Variants in GRHL1 observed in about 807,000 individuals in gnomAD.
The protein encoded by GRHL1 is grainyhead like transcription factor 1, also known as grainyhead-like protein 1 homolog.
In GRHL1, 38 loss-of-function variants were observed where a neutral mutation model predicts 75.7. The ratio of observed to expected loss-of-function variants is 0.50; its 90% CI spans 0.39 to 0.66. The LOEUF is 0.66. Among genes scored for constraint, GRHL1 ranks in the 30% least tolerant of loss-of-function variants. GRHL1 has a pLI of 0.00. For missense variants in GRHL1, 589 were observed against 767.5 expected, an observed-to-expected ratio of 0.77 and a Z score of 2.75; for synonymous variants, 266 against 279.4, an observed-to-expected ratio of 0.95 and a Z score of 0.48.
At position 9,983,431 on chromosome 2, in the gene GRHL1, C is replaced by T. The variant is rs527846885; in HGVS notation, c.1111-2693C>T. Among the ~76,000 whole-genome samples the T allele has an allele frequency of 2.6e-5, 4 of 152,252 alleles. No individual in the cohort carries two copies. The East Asian group carries it at 7.7e-4, about 29-fold the overall frequency. The stretch of plus-strand genomic sequence containing the variant: ...AGAAATGTATATCAGTAAGAGACTG[C>T]AAATCATCATGAATGCACACCAGCA... On this transcript the variant is annotated intron_variant, in intron 8 of 15. Coordinates refer to ENST00000324907, the MANE Select transcript of GRHL1 (RefSeq NM_198182.3).
Position 9,951,953 on chromosome 2 carries a change from G to T in GRHL1, c.20+100G>T. The stretch of plus-strand genomic sequence containing the variant: ...GCGCAGACCCGAGGCCGCGCGGGCG[G>T]GCGGGCGCGGGGCGCGAGCCGGGGG... On this transcript the variant is annotated intron_variant, in intron 1 of 15. Coordinates refer to ENST00000324907, the MANE Select transcript of GRHL1 (RefSeq NM_198182.3). The surrounding 1 kb of genome is among the most constrained non-coding windows in gnomAD (Gnocchi z 4.2). 1 of 698,706 alleles carries T rather than the reference G, an allele frequency of 1.4e-6. No homozygotes were observed. The highest frequency in any genetic ancestry group is 6.1e-5 in the South Asian group (1 of 16,370). The allele number at this position is 698,706 out of a possible 1,614,324, so 43.3% of individuals were successfully genotyped here.
Position 9,964,015 on chromosome 2 carries a change from A to T in GRHL1, c.876A>T (p.Gly292=). 6.2e-7 allele frequency: 1 copy of T among 1,613,810 alleles called. No homozygotes were observed. The highest frequency in any genetic ancestry group is 1.7e-5 in the Admixed American group (1 of 59,992). The change falls in exon 6 of 16, where the codon GGA becomes GGT. Residue 292 remains glycine (G), a synonymous_variant. Coordinates refer to ENST00000324907, the MANE Select transcript of GRHL1 (RefSeq NM_198182.3). ...TGAAGGAGGTGAGCAGCAGTGAAGG[A>T]ATCCATCATCCCATCAGCAAAGTTC... ...ITLKEVSSSE[G]IHHPISKVRS... is the part of the protein sequence containing the mutation.
chr2:9,961,022 G>A (rs1667246176), intron 3 of GRHL1, 24 bp from the exon 4 acceptor site: 1 of 1,514,514 alleles, frequency 6.6e-7, no homozygotes, highest in Non-Finnish European at 8.9e-7. Context: ...CATCGCGTTT[G>A]AAAGCAGTTT....
Position 9,962,481 on chromosome 2 carries a change from G to A in GRHL1, c.696G>A (p.Leu232=), listed in dbSNP as rs1436296582. ...TTTTCTTCCCCTCGGATCTCAGTCT[G>A]CGGATGCCTGGCATGAATTCAGAGG... is the stretch of plus-strand genomic sequence containing the variant. ...QEVFFPSDLS[L]RMPGMNSEDY... The change falls in exon 5 of 16, where the codon CTG becomes CTA. Residue 232 remains leucine (L), a synonymous_variant. Coordinates refer to ENST00000324907, the MANE Select transcript of GRHL1 (RefSeq NM_198182.3). The A allele has an allele frequency of 6.2e-7, 1 of 1,603,306 alleles. No homozygotes were observed. Among genetic ancestry groups the A allele is most frequent in the African/African-American group, 1.3e-5 (1 of 74,714 alleles).
Position 9,964,041 on chromosome 2 carries a change from G to A in GRHL1, c.902G>A (p.Arg301Gln), listed in dbSNP as rs1418448936. Residue 301 changes from arginine (R) to glutamine (Q), a missense_variant and splice_region_variant, in exon 6 of 16, where the codon CGA becomes CAA. Arg to Gln is a conservative substitution (Grantham distance 43). This residue lies in a region of GRHL1 where 362 missense variants were observed against 461.8 expected (regional missense o/e 0.78). Coordinates refer to ENST00000324907, the MANE Select transcript of GRHL1 (RefSeq NM_198182.3). ...ATCCATCATCCCATCAGCAAAGTTC[G>A]AGTAAGTTCTGCTCTTAGTCCTGTT... ...EGIHHPISKV[R>Q]SVIMVVFAED... is the part of the protein sequence containing the mutation. 3.7e-6 allele frequency: 6 copies of A among 1,612,922 alleles called. No individual in the cohort carries two copies. In the Admixed American group the frequency reaches 8.3e-5, roughly 22 times the overall value.
intron 7 of GRHL1, 140 bp from the exon 8 acceptor site, chr2:9,965,147 T>A (rs182814280): frequency 1.8e-6 from 1 of 547,456 alleles, no homozygotes; most frequent in East Asian, 2.7e-5. Flanking sequence ...ATTTTGAACT[T>A]CTTCTAATCG....
intron 10 of GRHL1, among the ~76,000 whole-genome samples, chr2:9,991,465 T>A (rs1367281326): frequency 6.6e-6 from 1 of 152,204 alleles, no homozygotes; most frequent in East Asian, 1.9e-4. Flanking sequence ...GCTGACTAAC[T>A]AGGAGACCTC....
At position 10,001,215 on chromosome 2, in the gene GRHL1, CCT is replaced by C. The variant is rs1204826732; in HGVS notation, c.*512_*513del. 6.5e-6 allele frequency: 1 copy of C among 152,736 alleles called. No individual in the cohort carries two copies. The highest frequency in any genetic ancestry group is 1.9e-4 in the East Asian group (1 of 5,182). The allele number at this position is 152,736 out of a possible 1,614,324, so 9.5% of individuals were successfully genotyped here. A position where few individuals can be genotyped will look rare whatever the true frequency, so the allele number is the denominator to read the frequency against. ...ACGGGGGGAGCCCTCTCTCCCTTAC[CCT>C]CTCACTCTCCACCAGATGTTTACTA... is the stretch of plus-strand genomic sequence containing the variant. On this transcript the variant is annotated 3_prime_UTR_variant, in exon 16 of 16. Transcript: ENST00000324907.
At chr2:9,996,748 A>G (rs773450871) in intron 14 of GRHL1, among the ~76,000 whole-genome samples, 2 of 152,228 alleles carry the variant, frequency 1.3e-5, no homozygotes. Context: ...TTCATACATA[A>G]AAACAGTGGC....
At chr2:9,993,136 T>C (rs1668716308) in intron 11 of GRHL1, 71 bp from the exon 12 acceptor site, 11 of 1,081,254 alleles carry the variant, frequency 1.0e-5, no homozygotes, top group Non-Finnish European at 1.6e-5. Flanking sequence ...ATTTCCATTT[T>C]AGGAATAATT....
chr2:9,991,724 C>T (rs1218694996), intron 10 of GRHL1, among the ~76,000 whole-genome samples: 1 of 152,252 alleles, frequency 6.6e-6, no homozygotes, highest in East Asian at 1.9e-4. Flanking sequence ...TAAATACGCT[C>T]TGCCTCTGTC....
Position 9,951,950 on chromosome 2 carries a change from G to T in GRHL1, c.20+97G>T, listed in dbSNP as rs867830652. ...CGGGCGCAGACCCGAGGCCGCGCGG[G>T]CGGGCGGGCGCGGGGCGCGAGCCGG... On this transcript the variant is annotated intron_variant, in intron 1 of 15. Coordinates refer to ENST00000324907, the MANE Select transcript of GRHL1 (RefSeq NM_198182.3). This position sits in a 1 kb window ranked among gnomAD's most constrained non-coding sequence, Gnocchi z 4.2. 1.8e-4 allele frequency: 124 copies of T among 697,970 alleles called. No homozygotes were observed. Among genetic ancestry groups the T allele is most frequent in the Admixed American group, 1.8e-4 (3 of 16,678 alleles). The allele number at this position is 697,970 out of a possible 1,614,324, so 43.2% of individuals were successfully genotyped here. A position where few individuals can be genotyped will look rare whatever the true frequency, so the allele number is the denominator to read the frequency against.
chr2:9,966,882 A>T (rs1260399588), intron 8 of GRHL1, among the ~76,000 whole-genome samples: 1 of 152,178 alleles, frequency 6.6e-6, no homozygotes, highest in African/African-American at 2.4e-5. Context: ...AGTCACATAC[A>T]ATTGTCAGGT....
chr2:9,958,229 G>A (rs1667119103), intron 2 of GRHL1, among the ~76,000 whole-genome samples: 1 of 149,768 alleles, frequency 6.7e-6, no homozygotes, highest in African/African-American at 2.5e-5. Flanking sequence ...CCAGGCCAGA[G>A]TGCAGTGGCG....
chr2:9,993,259 T>G lies in GRHL1; in HGVS notation c.1499+15T>G, dbSNP rs780759890. The G allele has an allele frequency of 5.0e-6, 8 of 1,591,554 alleles. No individual in the cohort carries two copies. Among genetic ancestry groups the G allele is most frequent in the Non-Finnish European group, 6.9e-6 (8 of 1,159,566 alleles). ...GAGGGTGAAGGGTAAGATTTATGTTTTGTTTTGTTTTGTTTTAATAATGGA... is the reference window on the plus strand; with the variant it reads ...GAGGGTGAAGGGTAAGATTTATGTTGTGTTTTGTTTTGTTTTAATAATGGA... On this transcript the variant is annotated intron_variant, in intron 12 of 15. Transcript: ENST00000324907.
intron 8 of GRHL1, among the ~76,000 whole-genome samples, chr2:9,974,215 C>T (rs891448604): frequency 2.0e-5 from 3 of 152,172 alleles, no homozygotes; most frequent in Non-Finnish European, 4.4e-5. Flanking sequence ...ATCTTCAAAG[C>T]CTGAGGCTCA....
At chr2:9,989,553 T>G (rs973095866) in intron 9 of GRHL1, among the ~76,000 whole-genome samples, 3 of 152,024 alleles carry the variant, frequency 2.0e-5, no homozygotes, top group Admixed American at 1.3e-4. Context: ...GAGTACACTT[T>G]TTCTCTTTTT....
At position 9,992,086 on chromosome 2, in the gene GRHL1, T is replaced by C. The variant is rs1572386356; in HGVS notation, c.1401T>C (p.Asp467=). Residue 467 remains aspartate, a synonymous_variant, in exon 11 of 16, where the codon GAT becomes GAC. Coordinates refer to ENST00000324907, the MANE Select transcript of GRHL1 (RefSeq NM_198182.3). This position sits in a 1 kb window ranked among gnomAD's most constrained non-coding sequence, Gnocchi z 4.6. ...TTTTCAAACCCTTCATTGATCTCGA[T>C]ACTCAGCCTGTCCTCTTCATTCCTG... is the stretch of plus-strand genomic sequence containing the variant. The part of the protein sequence containing the change: ...ITVFKPFIDL[D]TQPVLFIPDV... 1.2e-6 allele frequency: 2 copies of C among 1,614,028 alleles called. No homozygotes were observed. Among genetic ancestry groups the C allele is most frequent in the Non-Finnish European group, 1.7e-6 (2 of 1,179,924 alleles).
At chr2:9,982,441 T>C (rs1668240777) in intron 8 of GRHL1, among the ~76,000 whole-genome samples, 1 of 152,212 alleles carries the variant, frequency 6.6e-6, no homozygotes, top group Admixed American at 6.5e-5. Flanking sequence ...TCCAGGACAA[T>C]GAAATCAGAA....
Sources: allele counts gnomAD v4.1 joint callset (sites outside exome capture counted in the v4.1 genomes callset), GRCh38; gene constraint gnomAD v4.1.1; regional missense constraint gnomAD v4.1.1; non-coding constraint Gnocchi (gnomAD v3.1); transcripts MANE v1.5; gene names NCBI Gene and HGNC (gene_info 2026-07-23, HGNC 2026-07-21).